The following GABRA2 variants were observed in gnomAD, a reference collection of about 807,000 sequenced individuals.
GABRA2 encodes gamma-aminobutyric acid receptor subunit alpha-2.
In GABRA2, 16 loss-of-function variants were observed where a neutral mutation model predicts 48.7. The observed-to-expected ratio is 0.33, with a 90% confidence interval of 0.22 to 0.50. GABRA2 has a LOEUF of 0.50. Ranked by LOEUF, GABRA2 falls within the 20% of genes least tolerant of loss-of-function variation. The pLI is 0.98. For synonymous variants in GABRA2, 185 were observed against 184.5 expected, an observed-to-expected ratio of 1.00 and a Z score of -0.02; for missense variants, 275 against 535.6, an observed-to-expected ratio of 0.51 and a Z score of 4.80.
intron 3 of GABRA2, among the ~76,000 whole-genome samples, chr4:46,355,021 T>C (rs949662281): frequency 6.6e-6 from 1 of 152,122 alleles, no homozygotes; most frequent in Non-Finnish European, 1.5e-5. Flanking sequence ...CAGGCAGCCA[T>C]GAACTGAGTA....
chr4:46,310,249 T>C lies in GABRA2; in HGVS notation c.483A>G (p.Thr161=), dbSNP rs201011026. 2.4e-5 allele frequency: 39 copies of C among 1,613,166 alleles called. No homozygotes were observed. Among genetic ancestry groups the C allele is most frequent in the Non-Finnish European group, 3.1e-5 (37 of 1,179,388 alleles). Residue 161 remains threonine, a synonymous_variant, in exon 6 of 10, where the codon ACA becomes ACG. Transcript: ENST00000381620. ...DGTLLYTMRL[T]VQAECPMHLE... Reference sequence around the variant, plus strand: ...AGTGCATTGGGCATTCAGCTTGAACTGTAAGCCTAAAAGTCAAAATTTCAC... The same window carrying C: ...AGTGCATTGGGCATTCAGCTTGAACCGTAAGCCTAAAAGTCAAAATTTCAC...
chr4:46,294,048 G>A (rs1002157279), intron 8 of GABRA2, among the ~76,000 whole-genome samples: 2 of 152,142 alleles, frequency 1.3e-5, no homozygotes, highest in African/African-American at 4.8e-5. Flanking sequence ...TTGTCCATAA[G>A]GCCCACCAGA....
At chr4:46,381,534 T>G (rs1716758487) in intron 3 of GABRA2, among the ~76,000 whole-genome samples, 1 of 152,232 alleles carries the variant, frequency 6.6e-6, no homozygotes, top group Admixed American at 6.5e-5. Context: ...TATTACTTTC[T>G]AACATAATAT....
intron 4 of GABRA2, among the ~76,000 whole-genome samples, chr4:46,330,683 A>C (rs1395183964): frequency 6.6e-6 from 1 of 151,608 alleles, no homozygotes; most frequent in Non-Finnish European, 1.5e-5. Context: ...TACTACTGAA[A>C]TTTACAACAT....
intron 3 of GABRA2, among the ~76,000 whole-genome samples, chr4:46,382,624 C>T (rs1298872582): frequency 3.3e-5 from 5 of 152,096 alleles, no homozygotes; most frequent in South Asian, 2.1e-4. Flanking sequence ...TATTATTAAT[C>T]GTTAAATGCC....
intron 4 of GABRA2, among the ~76,000 whole-genome samples, chr4:46,319,686 C>A (rs532256997): frequency 4.1e-4 from 63 of 151,852 alleles, no homozygotes; most frequent in African/African-American, 7.5e-4. Context: ...ATAGCTACTG[C>A]ACATTCAAAA....
intron 4 of GABRA2, among the ~76,000 whole-genome samples, chr4:46,320,247 T>A (rs1431912173): frequency 6.6e-6 from 1 of 151,812 alleles, no homozygotes; most frequent in Non-Finnish European, 1.5e-5. Flanking sequence ...TGCACTAGAA[T>A]TAAATTGGAC....
At chr4:46,353,350 C>G (rs574037387) in intron 3 of GABRA2, among the ~76,000 whole-genome samples, 4 of 152,182 alleles carry the variant, frequency 2.6e-5, no homozygotes, top group African/African-American at 9.6e-5. Context: ...CTTGACCAGT[C>G]TCCTTGCCCA....
chr4:46,295,789 G>T (rs1479298103), intron 8 of GABRA2, among the ~76,000 whole-genome samples: 4 of 152,176 alleles, frequency 2.6e-5, no homozygotes, highest in Non-Finnish European at 5.9e-5. Flanking sequence ...CATGGAAAGG[G>T]CAGATGTTTG....
intron 9 of GABRA2, among the ~76,000 whole-genome samples, chr4:46,250,891 ACTTTT>A (rs1714615183): frequency 1.3e-5 from 2 of 151,558 alleles, no homozygotes; most frequent in South Asian, 2.1e-4. Context: ...AAACAATATA[ACTTTT>A]CTTTTCTCAT....
chr4:46,330,587 T>TAGAGAGAGAGAGAGAG (rs1425282470), intron 4 of GABRA2, among the ~76,000 whole-genome samples: 343 of 123,456 alleles, frequency 2.8e-3, no homozygotes, highest in South Asian at 3.9e-3. Context: ...TATATATATA[T>TAGAGAGAGAGAGAGAG]ATATAGAGAG....
chr4:46,389,001 C>T (rs544904250), intron 1 of GABRA2: 52 of 1,211,832 alleles, frequency 4.3e-5, no homozygotes, highest in African/African-American at 4.1e-4. Context: ...CAGGAACGTC[C>T]CCCAGCCTCA....
intron 4 of GABRA2, among the ~76,000 whole-genome samples, chr4:46,317,268 T>C (rs938895373): frequency 2.6e-5 from 4 of 151,850 alleles, no homozygotes; most frequent in South Asian, 2.1e-4. Context: ...TATACCTAAA[T>C]GAAGGGTGAG....
chr4:46,301,841 C>G (rs943964923), intron 8 of GABRA2, among the ~76,000 whole-genome samples: 2 of 152,074 alleles, frequency 1.3e-5, no homozygotes, highest in Non-Finnish European at 2.9e-5. Flanking sequence ...TCTCTAGGGC[C>G]TGGTACAGTA....
At chr4:46,283,593 A>T (rs1285048238) in intron 8 of GABRA2, among the ~76,000 whole-genome samples, 1 of 151,824 alleles carries the variant, frequency 6.6e-6, no homozygotes, top group Non-Finnish European at 1.5e-5. Flanking sequence ...ATCCAAACAT[A>T]GCCCTTTTGG....
At chr4:46,258,841 G>T (rs1437241647) in intron 9 of GABRA2, among the ~76,000 whole-genome samples, 1 of 151,772 alleles carries the variant, frequency 6.6e-6, no homozygotes, top group Non-Finnish European at 1.5e-5. Context: ...AAGTATGGAG[G>T]TTATTAGCGC....
intron 3 of GABRA2, among the ~76,000 whole-genome samples, chr4:46,373,879 G>C (rs576733388): frequency 1.8e-4 from 27 of 152,188 alleles, no homozygotes; most frequent in African/African-American, 6.3e-4. Context: ...ACATGCCCTA[G>C]ATAGCTAATT....
chr4:46,351,384 T>C (rs796138961), intron 3 of GABRA2, among the ~76,000 whole-genome samples: 8 of 152,150 alleles, frequency 5.3e-5, no homozygotes, highest in African/African-American at 1.9e-4. Flanking sequence ...TTCAAAATTG[T>C]TTTGGAGGCT....
chr4:46,268,043 A>G (rs1718596465), intron 8 of GABRA2, among the ~76,000 whole-genome samples: 1 of 149,966 alleles, frequency 6.7e-6, no homozygotes, highest in Non-Finnish European at 1.5e-5. Flanking sequence ...ACCATTCTAA[A>G]AAATGTATCT....
Sources: allele counts gnomAD v4.1 joint callset (sites outside exome capture counted in the v4.1 genomes callset), GRCh38; gene constraint gnomAD v4.1.1; transcripts MANE v1.5; gene names NCBI Gene and HGNC (gene_info 2026-07-23, HGNC 2026-07-21).